Variants in ZC3H7B observed in about 807,000 individuals in gnomAD.
ZC3H7B encodes zinc finger CCCH domain-containing protein 7B.
Under a neutral mutation model 116.0 loss-of-function variants are expected in ZC3H7B, and 35 were observed. The ratio of observed to expected loss-of-function variants is 0.30; its 90% CI spans 0.23 to 0.40. The LOEUF (loss-of-function observed/expected upper bound fraction) is 0.40, where lower values mean the gene tolerates loss of function less well. Ranked by LOEUF, ZC3H7B falls within the 10% of genes least tolerant of loss-of-function variation. ZC3H7B has a pLI of 1.00. For missense variants in ZC3H7B, 1,011 were observed against 1,321.5 expected (o/e 0.77, Z 3.64); for synonymous variants, 502 against 545.6 (o/e 0.92, Z 1.11).
intron 1 of ZC3H7B, among the ~76,000 whole-genome samples, chr22:41,312,318 A>T (rs2036129298): frequency 6.6e-6 from 1 of 151,874 alleles, no homozygotes; most frequent in South Asian, 2.1e-4. Context: ...AATACAAAAA[A>T]TTAGCTGGGC....
Position 41,351,588 on chromosome 22 carries a change from A to G in ZC3H7B, c.1976A>G (p.Glu659Gly). The change falls in exon 17 of 23, where the codon GAG becomes GGG. Residue 659 changes from glutamate (E) to glycine (G), a missense_variant. Transcript: ENST00000352645. The surrounding 1 kb of genome is among the most constrained non-coding windows in gnomAD (Gnocchi z 5.1). ...ATGACCCACGAAGACATCGTTCAGG[A>G]GTCTAAGAAGTACTGGCAGCAGATG... ...SGMTHEDIVQ[E>G]SKKYWQQMEA... 1 of 1,613,932 alleles carries G rather than the reference A, an allele frequency of 6.2e-7. No homozygotes were observed. The highest frequency in any genetic ancestry group is 8.5e-7 in the Non-Finnish European group (1 of 1,179,964).
At chr22:41,335,066 A>C (rs932594660) in intron 7 of ZC3H7B, 5 of 152,348 alleles carry the variant, frequency 3.3e-5, no homozygotes, top group Admixed American at 2.0e-4. Context: ...GAGAGGGGGA[A>C]ATGGCACTCA....
Position 41,360,091 on chromosome 22 carries a change from TGAAA to T in ZC3H7B, c.*2667_*2670del, listed in dbSNP as rs923533602. ...AATTTTTGTCCTTCTTAAAATAAAA[TGAAA>T]GAAACTTGCTTCCCTTAGCCTTTGT... On this transcript the variant is annotated 3_prime_UTR_variant, in exon 23 of 23. Coordinates refer to ENST00000352645, the MANE Select transcript of ZC3H7B (RefSeq NM_017590.6). The T allele has an allele frequency of 5.9e-5, 9 of 152,384 alleles. No individual in the cohort carries two copies. Among genetic ancestry groups the T allele is most frequent in the African/African-American group, 1.9e-4 (8 of 41,450 alleles). 9.4% of individuals were successfully genotyped at this position (152,384 alleles called of 1,614,324 possible). A position where few individuals can be genotyped will look rare whatever the true frequency, so the allele number is the denominator to read the frequency against.
chr22:41,324,493 G>A (rs73414885), intron 2 of ZC3H7B, among the ~76,000 whole-genome samples: 5 of 152,202 alleles, frequency 3.3e-5, no homozygotes, highest in Non-Finnish European at 7.3e-5. Context: ...CACTCTGAGC[G>A]TCTGTTTTTC....
At chr22:41,350,893 A>G (rs1332221840) in intron 16 of ZC3H7B, among the ~76,000 whole-genome samples, 4 of 152,332 alleles carry the variant, frequency 2.6e-5, no homozygotes, top group South Asian at 2.1e-4. Flanking sequence ...AGCAGGGGCC[A>G]TAGGTCAAGG....
At position 41,325,759 on chromosome 22, in the gene ZC3H7B, G is replaced by A; in HGVS notation, c.126G>A (p.Glu42=). 5 of 1,613,986 alleles carry A rather than the reference G, an allele frequency of 3.1e-6. No individual in the cohort carries two copies. Among genetic ancestry groups the A allele is most frequent in the Non-Finnish European group, 4.2e-6 (5 of 1,179,978 alleles). ...LLKLVQNLFA[E]GNDLFREKDY... ...AGCTGGTGCAGAATCTGTTTGCTGA[G>A]GGCAATGATCTGTTCCGGGAGAAGG... The change falls in exon 4 of 23, where the codon GAG becomes GAA. Residue 42 remains glutamate, a synonymous_variant. Coordinates refer to ENST00000352645, the MANE Select transcript of ZC3H7B (RefSeq NM_017590.6).
At chr22:41,326,562 C>A (rs1288776988) in intron 4 of ZC3H7B, among the ~76,000 whole-genome samples, 1 of 152,096 alleles carries the variant, frequency 6.6e-6, no homozygotes, top group Non-Finnish European at 1.5e-5. Flanking sequence ...AGCCTCCTCA[C>A]TGTTTCTCCC....
At position 41,356,788 on chromosome 22, in the gene ZC3H7B, C is replaced by T; in HGVS notation, c.2661C>T (p.Gly887=). Residue 887 remains glycine (G), a synonymous_variant, in exon 22 of 23, where the codon GGC becomes GGT. Coordinates refer to ENST00000352645, the MANE Select transcript of ZC3H7B (RefSeq NM_017590.6). ...GCTGGGCCTTCCGCTTCCCCATGGG[C>T]GAGTTCCGGCTCTGCGACAGGTGCT... The part of the protein sequence containing the change: ...ASGWAFRFPM[G]EFRLCDRLQK... The T allele has an allele frequency of 6.2e-7, 1 of 1,613,450 alleles. No individual in the cohort carries two copies. The highest frequency in any genetic ancestry group is 8.5e-7 in the Non-Finnish European group (1 of 1,179,970).
Position 41,357,721 on chromosome 22 carries a change from C to G in ZC3H7B, c.*292C>G, listed in dbSNP as rs2036741530. On this transcript the variant is annotated 3_prime_UTR_variant, in exon 23 of 23. Transcript: ENST00000352645. The surrounding 1 kb of genome is among the most constrained non-coding windows in gnomAD (Gnocchi z 5.4). ...CCTGGCTGACCCCTCCAGCTTCAGCCTCCAGCTTTAACTTCTGTCTGCTCC... is the reference window on the plus strand; with the variant it reads ...CCTGGCTGACCCCTCCAGCTTCAGCGTCCAGCTTTAACTTCTGTCTGCTCC... 2.1e-6 allele frequency: 1 copy of G among 479,984 alleles called. No homozygotes were observed. The highest frequency in any genetic ancestry group is 1.9e-5 in the African/African-American group (1 of 51,784). The allele number at this position is 479,984 out of a possible 1,614,324, so 29.7% of individuals were successfully genotyped here. A position where few individuals can be genotyped will look rare whatever the true frequency, so the allele number is the denominator to read the frequency against.
intron 1 of ZC3H7B, among the ~76,000 whole-genome samples, chr22:41,306,516 G>C (rs757918605): frequency 4.6e-5 from 7 of 151,886 alleles, no homozygotes; most frequent in Non-Finnish European, 8.8e-5. Context: ...TGGGATTACA[G>C]GTGTCCGCCA....
chr22:41,304,259 C>G (rs1172681896), intron 1 of ZC3H7B, among the ~76,000 whole-genome samples: 5 of 151,938 alleles, frequency 3.3e-5, no homozygotes, highest in African/African-American at 9.7e-5. Context: ...GAGTCTCACT[C>G]TGTTACCCAG....
chr22:41,318,617 C>T (rs539692560), intron 1 of ZC3H7B, among the ~76,000 whole-genome samples: 15 of 151,494 alleles, frequency 9.9e-5, no homozygotes, highest in Middle Eastern at 3.4e-3. Flanking sequence ...GGCATGGTGG[C>T]GCGCGCCTGT....
rs765293879 is a variant in ZC3H7B at position 41,355,583 on chromosome 22, A to G, written c.2149A>G (p.Ser717Gly). ...GCCTGACAAGGACCTCAAGTACTGT[A>G]GTGCCAAGGCCCGGCACTGGTGAGT... ...VEPDKDLKYC[S>G]AKARHCWTKE... Residue 717 changes from serine (S) to glycine (G), a missense_variant, in exon 18 of 23, where the codon AGT becomes GGT. Physicochemically the swap from Ser to Gly is moderately conservative, Grantham distance 56. Transcript: ENST00000352645. 3.1e-6 allele frequency: 5 copies of G among 1,614,174 alleles called. No individual in the cohort carries two copies. Among genetic ancestry groups the G allele is most frequent in the Non-Finnish European group, 4.2e-6 (5 of 1,180,026 alleles).
At chr22:41,307,452 A>C (rs1240132276) in intron 1 of ZC3H7B, among the ~76,000 whole-genome samples, 1 of 151,932 alleles carries the variant, frequency 6.6e-6, no homozygotes, top group African/African-American at 2.4e-5. Context: ...CTGTCTCCCC[A>C]CCGGGCTATG....
At chr22:41,356,309 C>T (rs1349440079) in intron 20 of ZC3H7B, 34 bp from the exon 21 acceptor site, 1 of 1,613,148 alleles carries the variant, frequency 6.2e-7, no homozygotes, top group South Asian at 1.1e-5. Context: ...GGAGAAGCCC[C>T]TCAGCAGGTG....
Position 41,324,025 on chromosome 22 carries a change from G to A in ZC3H7B, c.54-1539G>A, listed in dbSNP as rs1024575949. On this transcript the variant is annotated intron_variant, in intron 2 of 22. Coordinates refer to ENST00000352645, the MANE Select transcript of ZC3H7B (RefSeq NM_017590.6). ...GTGGAGGTTGCAGTGAGCCGAGATT[G>A]GGCCACTGCACTCCAGCCTGGGCGA... 2.6e-5 allele frequency among the ~76,000 whole-genome samples: 4 copies of A among 152,010 alleles called. No individual in the cohort carries two copies. In the East Asian group the frequency reaches 7.7e-4, roughly 29 times the overall value.
intron 1 of ZC3H7B, among the ~76,000 whole-genome samples, chr22:41,313,926 T>G (rs1277851762): frequency 6.6e-6 from 1 of 151,454 alleles, no homozygotes; most frequent in African/African-American, 2.4e-5. Flanking sequence ...TTTTTTTTTT[T>G]CGTATTTTTG....
At chr22:41,305,501 C>T (rs1271379181) in intron 1 of ZC3H7B, among the ~76,000 whole-genome samples, 1 of 152,024 alleles carries the variant, frequency 6.6e-6, no homozygotes, top group Non-Finnish European at 1.5e-5. Flanking sequence ...CAGAGTGAAA[C>T]TCTGTCTCAA....
At position 41,327,259 on chromosome 22, in the gene ZC3H7B, TGA is replaced by T; in HGVS notation, c.343_344del (p.Ser115TyrfsTer13). ...DSEKALGLDSESIRALFRKAR... is the reference protein window; with the variant it reads ...DSEKALGLDSXSIRALFRKAR... ...GCGAGAAGGCGCTGGGCCTGGACAGTGAGAGTATCCGGGCGTTGTTCCGCAAG... is the reference window on the plus strand; with the variant it reads ...GCGAGAAGGCGCTGGGCCTGGACAGTGAGTATCCGGGCGTTGTTCCGCAAG... On this transcript the variant is annotated frameshift_variant, in exon 5 of 23. Transcript: ENST00000352645. LOFTEE classifies it high-confidence loss of function. This position sits in a 1 kb window ranked among gnomAD's most constrained non-coding sequence, Gnocchi z 4.5. The T allele has an allele frequency of 6.2e-7, 1 of 1,614,040 alleles. No individual in the cohort carries two copies. Among genetic ancestry groups the T allele is most frequent in the Non-Finnish European group, 8.5e-7 (1 of 1,180,016 alleles).
Sources: gnomAD v4.1 joint callset for allele counts (sites outside exome capture counted in the v4.1 genomes callset) on GRCh38, gnomAD v4.1.1 for gene constraint, Gnocchi (gnomAD v3.1) non-coding constraint, MANE v1.5 for transcripts, NCBI Gene and HGNC (gene_info 2026-07-23, HGNC 2026-07-21) for gene names.